Variants in CYRIB observed in about 807,000 individuals in gnomAD.
CYRIB encodes the protein CYFIP-related Rac1 interactor B.
Under a neutral mutation model 44.2 loss-of-function variants are expected in CYRIB, and 8 were observed. That is an observed-to-expected ratio of 0.18 (90% confidence interval 0.11 to 0.33). CYRIB has a LOEUF of 0.33. Ranked by LOEUF, CYRIB falls within the 10% of genes least tolerant of loss-of-function variation. The probability of loss-of-function intolerance (pLI) is 1.00; values close to 1 mark genes in which losing one functional copy is unlikely to be tolerated. For synonymous variants in CYRIB, 131 were observed against 127.2 expected, an observed-to-expected ratio of 1.03 and a Z score of -0.20; for missense variants, 185 against 382.8, an observed-to-expected ratio of 0.48 and a Z score of 4.31.
At chr8:129,941,143 T>A (rs2093663443), upstream of CYRIB, among the ~76,000 whole-genome samples, 1 of 152,136 alleles carries the variant, frequency 6.6e-6, no homozygotes, top group African/African-American at 2.4e-5. Context: ...AGTGGCTTTT[T>A]CAAGGCACAC....
At chr8:129,899,024 C>T (rs573695105) in intron 2 of CYRIB, among the ~76,000 whole-genome samples, 58 of 152,034 alleles carry the variant, frequency 3.8e-4, no homozygotes, top group South Asian at 3.7e-3. Context: ...CCACCAGGCC[C>T]GGCTAATTTT....
intron 6 of CYRIB, 48 bp from the exon 9 acceptor site, chr8:129,854,391 TGTAAAAAAACTAA>T (rs2131732709): frequency 7.3e-6 from 10 of 1,376,212 alleles, no homozygotes; most frequent in Non-Finnish European, 1.0e-5. Context: ...TAAATGCTAA[TGTAAAAAAACTAA>T]GTAAAAAATC....
At chr8:129,940,843 GA>G (rs1439757757), upstream of CYRIB, among the ~76,000 whole-genome samples, 12 of 152,104 alleles carry the variant, frequency 7.9e-5, no homozygotes, top group Admixed American at 2.6e-4. Context: ...TTCCCCCCGG[GA>G]AAATACAGAC....
At chr8:129,957,680 A>C (rs188340308) in intron 2 of CYRIB, among the ~76,000 whole-genome samples, 1 of 152,242 alleles carries the variant, frequency 6.6e-6, no homozygotes, top group African/African-American at 2.4e-5. Context: ...AAAATAAAAA[A>C]AATTGGCCGG....
At chr8:129,996,245 G>C (rs2096761842) in intron 1 of CYRIB, among the ~76,000 whole-genome samples, 1 of 152,098 alleles carries the variant, frequency 6.6e-6, no homozygotes. Flanking sequence ...AACCTCTCAG[G>C]CTGGGATCAA....
chr8:129,975,729 C>T (rs528011245), intron 1 of CYRIB, among the ~76,000 whole-genome samples: 1 of 152,344 alleles, frequency 6.6e-6, no homozygotes, highest in Admixed American at 6.5e-5. Context: ...GCTTATTCTA[C>T]TTGGCATAGC....
intron 1 of CYRIB, among the ~76,000 whole-genome samples, chr8:129,997,210 G>A (rs1052231065): frequency 4.6e-5 from 7 of 151,934 alleles, no homozygotes; most frequent in African/African-American, 1.7e-4. Context: ...CAGGGAACAT[G>A]GTCTATTGGG....
At chr8:130,000,822 T>C (rs2096891000) in intron 1 of CYRIB, among the ~76,000 whole-genome samples, 2 of 151,874 alleles carry the variant, frequency 1.3e-5, no homozygotes, top group Non-Finnish European at 1.5e-5. Flanking sequence ...TTAGAGGCCA[T>C]AGTGAGCCAT....
chr8:129,871,342 C>T (rs765052470), intron 4 of CYRIB, 33 bp downstream of exon 6: 2 of 1,583,408 alleles, frequency 1.3e-6, no homozygotes, highest in South Asian at 1.2e-5. Flanking sequence ...CAGTAAGTTT[C>T]AGTTAACTAG....
chr8:129,964,491 C>A, intron 2 of CYRIB, among the ~76,000 whole-genome samples: 1 of 152,226 alleles, frequency 6.6e-6, no homozygotes, highest in East Asian at 1.9e-4. Flanking sequence ...CTGGGTTACC[C>A]GTTTCCAAAA....
intron 1 of CYRIB, among the ~76,000 whole-genome samples, chr8:129,926,422 T>G (rs1370132628): frequency 6.6e-6 from 1 of 152,208 alleles, no homozygotes; most frequent in East Asian, 1.9e-4. Context: ...ACTGTGCCAC[T>G]CTGAAGTCCA....
At chr8:129,918,902 C>T (rs1201616363) in intron 1 of CYRIB, among the ~76,000 whole-genome samples, 1 of 152,130 alleles carries the variant, frequency 6.6e-6, no homozygotes, top group Non-Finnish European at 1.5e-5. Flanking sequence ...GTCAATGTAT[C>T]GTTAGCAGAA....
At chr8:129,889,466 C>A (rs2064166672) in intron 2 of CYRIB, among the ~76,000 whole-genome samples, 1 of 152,176 alleles carries the variant, frequency 6.6e-6, no homozygotes, top group South Asian at 2.1e-4. Context: ...GATATGGATT[C>A]TTCTGATGGA....
chr8:130,002,840 G>A (rs2096937850), intron 1 of CYRIB, among the ~76,000 whole-genome samples: 2 of 152,238 alleles, frequency 1.3e-5, no homozygotes, highest in Admixed American at 1.3e-4. Context: ...GCCCACGCCT[G>A]TAATCCCAAC....
chr8:129,934,850 G>A (rs1456538412), intron 1 of CYRIB, among the ~76,000 whole-genome samples: 1 of 152,122 alleles, frequency 6.6e-6, no homozygotes, highest in African/African-American at 2.4e-5. Flanking sequence ...ATTTACTGAG[G>A]GTCTGGAGGA....
chr8:129,898,081 T>C (rs2069073255), intron 2 of CYRIB, among the ~76,000 whole-genome samples: 1 of 86,288 alleles, frequency 1.2e-5, no homozygotes, highest in African/African-American at 4.4e-5. Flanking sequence ...AAAAATTTTT[T>C]TTAAGTTTTT....
chr8:129,988,462 C>G (rs966563760), intron 1 of CYRIB, among the ~76,000 whole-genome samples: 1 of 152,178 alleles, frequency 6.6e-6, no homozygotes, highest in Non-Finnish European at 1.5e-5. Flanking sequence ...CTTCCCACCT[C>G]CAGGCATTTG....
At chr8:129,968,359 T>C (rs2095564810) in intron 2 of CYRIB, among the ~76,000 whole-genome samples, 1 of 152,246 alleles carries the variant, frequency 6.6e-6, no homozygotes, top group South Asian at 2.1e-4. Flanking sequence ...CTATTCTTTT[T>C]CCATCTTTCT....
At position 129,989,376 on chromosome 8, in the gene CYRIB, G is replaced by A. The variant is rs915031103; in HGVS notation, c.-295-18381C>T. On this transcript the variant is annotated intron_variant, in intron 1 of 14. Coordinates refer to the CYRIB transcript ENST00000401979. ...CGGTCTCTACTTCCCAAAGCGGACC[G>A]AGGCTGTTCTCAAGTTTCCATCTCA... 7.2e-5 allele frequency among the ~76,000 whole-genome samples: 11 copies of A among 152,304 alleles called. No homozygotes were observed. In the South Asian group the frequency reaches 1.0e-3, roughly 14 times the overall value.
Sources: gnomAD v4.1 joint callset for allele counts (sites outside exome capture counted in the v4.1 genomes callset) on GRCh38, gnomAD v4.1.1 for gene constraint, MANE v1.5 for transcripts, NCBI Gene and HGNC (gene_info 2026-07-23, HGNC 2026-07-21) for gene names.